Variants in LCORL observed in about 807,000 individuals in gnomAD.
The protein encoded by LCORL is ligand dependent nuclear receptor corepressor like.
A neutral mutation model predicts 141.8 loss-of-function variants in LCORL; 41 were observed. That is an observed-to-expected ratio of 0.29 (90% CI 0.23 to 0.38). The LOEUF (loss-of-function observed/expected upper bound fraction) is 0.38, where lower values mean the gene tolerates loss of function less well. LCORL is among the 10% of genes least tolerant of loss of function. The pLI is 1.00. For synonymous variants in LCORL, 618 were observed against 694.1 expected (o/e 0.89, Z 1.72); for missense variants, 1,759 against 2,035.0 (o/e 0.86, Z 2.61).
chr4:17,900,319 G>A (rs980337631), intron 5 of LCORL, among the ~76,000 whole-genome samples: 2 of 152,094 alleles, frequency 1.3e-5, no homozygotes, highest in Non-Finnish European at 2.9e-5. Context: ...ATTTTCACCT[G>A]AGACAATTTT....
intron 4 of LCORL, among the ~76,000 whole-genome samples, chr4:17,919,467 C>A (rs909543176): frequency 6.6e-6 from 1 of 152,094 alleles, no homozygotes; most frequent in Non-Finnish European, 1.5e-5. Context: ...ATTAGTAATA[C>A]ACATATTAGA....
At chr4:17,939,932 A>T (rs1737565933) in intron 4 of LCORL, among the ~76,000 whole-genome samples, 1 of 150,560 alleles carries the variant, frequency 6.6e-6, no homozygotes, top group African/African-American at 2.4e-5. Context: ...ACATATGTAT[A>T]TGTACTATAT....
chr4:17,984,390 T>C (rs556837070), intron 1 of LCORL, among the ~76,000 whole-genome samples: 52 of 152,284 alleles, frequency 3.4e-4, no homozygotes, highest in Non-Finnish European at 5.6e-4. Context: ...TGTGAATCTA[T>C]CTGGTCCTGA....
intron 1 of LCORL, among the ~76,000 whole-genome samples, chr4:17,976,552 T>C (rs922548919): frequency 2.0e-5 from 3 of 152,150 alleles, no homozygotes; most frequent in Admixed American, 2.0e-4. Context: ...AATATAAGGA[T>C]CAAATCTCAT....
chr4:17,928,155 C>T (rs940914063), intron 4 of LCORL, among the ~76,000 whole-genome samples: 9 of 152,118 alleles, frequency 5.9e-5, no homozygotes, highest in Non-Finnish European at 1.3e-4. Flanking sequence ...GCCTGTAATC[C>T]CAGCACTTTG....
chr4:17,883,227 G>C, intron 6 of LCORL: 1 of 983,724 alleles, frequency 1.0e-6, no homozygotes, highest in African/African-American at 1.7e-5. Flanking sequence ...TCTTAGTATG[G>C]AGATAGCTAT....
intron 6 of LCORL, among the ~76,000 whole-genome samples, chr4:17,879,657 G>C (rs2109196442): frequency 6.6e-6 from 1 of 150,944 alleles, no homozygotes; most frequent in Non-Finnish European, 1.5e-5. Context: ...TAGAGAGCAA[G>C]GGCAGGAAGA....
At chr4:17,859,704 A>C (rs1724775283) in intron 7 of LCORL, among the ~76,000 whole-genome samples, 2 of 152,348 alleles carry the variant, frequency 1.3e-5, no homozygotes, top group South Asian at 4.1e-4. Context: ...CAGAAGTAAA[A>C]GCACAAAGAC....
intron 4 of LCORL, among the ~76,000 whole-genome samples, chr4:17,958,369 T>C (rs1713099004): frequency 6.6e-6 from 1 of 152,056 alleles, no homozygotes; most frequent in East Asian, 1.9e-4. Context: ...TCAGCTACTA[T>C]GTACATATTA....
At chr4:17,980,383 T>G (rs970170956) in intron 1 of LCORL, among the ~76,000 whole-genome samples, 1 of 152,214 alleles carries the variant, frequency 6.6e-6, no homozygotes, top group African/African-American at 2.4e-5. Context: ...TAGACTGACT[T>G]GCTTTTATTC....
At chr4:17,973,252 A>G (rs1490146684) in intron 1 of LCORL, among the ~76,000 whole-genome samples, 1 of 151,830 alleles carries the variant, frequency 6.6e-6, no homozygotes, top group Non-Finnish European at 1.5e-5. Context: ...GTTTTAAAAA[A>G]GTAAACATGA....
intron 4 of LCORL, among the ~76,000 whole-genome samples, chr4:17,934,893 G>A (rs1014219132): frequency 2.4e-4 from 37 of 152,074 alleles, no homozygotes; most frequent in Admixed American, 2.6e-4. Flanking sequence ...TTTATCCTCA[G>A]GCTAGAACAG....
chr4:17,887,384 G>C (rs561151199), intron 5 of LCORL, among the ~76,000 whole-genome samples: 1 of 152,208 alleles, frequency 6.6e-6, no homozygotes, highest in South Asian at 2.1e-4. Context: ...AGAGTAATGA[G>C]GGTGGGGCTG....
chr4:17,929,610 T>C (rs1042342845), intron 4 of LCORL, among the ~76,000 whole-genome samples: 15 of 152,066 alleles, frequency 9.9e-5, no homozygotes, highest in Non-Finnish European at 2.1e-4. Context: ...TATACAAACA[T>C]TAACCCAAAA....
intron 4 of LCORL, among the ~76,000 whole-genome samples, chr4:17,961,256 A>G (rs1490854845): frequency 6.6e-6 from 1 of 152,116 alleles, no homozygotes; most frequent in Non-Finnish European, 1.5e-5. Context: ...AGAACAAAAC[A>G]TGAAAGGTCC....
At chr4:18,020,803 G>C (rs972740925) in intron 1 of LCORL, 10 of 152,290 alleles carry the variant, frequency 6.6e-5, no homozygotes, top group Admixed American at 4.6e-4. Flanking sequence ...CAGTGAAAGA[G>C]GACCAGAGTC....
At chr4:17,873,525 G>T (rs1726594103) in exon 7 of LCORL, 2 of 1,233,728 alleles carry the variant, frequency 1.6e-6, no homozygotes. Flanking sequence ...AAAACTATCA[G>T]GATTCTTGTC....
chr4:17,991,445 C>CA (rs1371738365), intron 1 of LCORL, among the ~76,000 whole-genome samples: 1 of 152,158 alleles, frequency 6.6e-6, no homozygotes, highest in Admixed American at 6.5e-5. Flanking sequence ...TTTCTAATCC[C>CA]AAATGTAGCT....
intron 4 of LCORL, among the ~76,000 whole-genome samples, chr4:17,914,542 AAG>A (rs1477807526): frequency 6.6e-6 from 1 of 152,188 alleles, no homozygotes; most frequent in African/African-American, 2.4e-5. Context: ...GACCTGGCAA[AAG>A]AGAGGGAGCA....
Sources: gnomAD v4.1 joint callset for allele counts (sites outside exome capture counted in the v4.1 genomes callset) on GRCh38, gnomAD v4.1.1 for gene constraint, MANE v1.5 for transcripts, NCBI Gene and HGNC (gene_info 2026-07-23, HGNC 2026-07-21) for gene names.